IQCJ: variants seen among roughly 807,000 people sequenced by gnomAD.
The protein encoded by IQCJ is IQ motif containing J.
IQCJ carries 9 observed loss-of-function variants against 11.0 expected under a neutral mutation model. The ratio of observed to expected loss-of-function variants is 0.82; its 90% confidence interval spans 0.49 to 1.43. The LOEUF is 1.43. IQCJ is among the 40% of genes most tolerant of loss of function. The pLI is 0.00. For missense variants in IQCJ, 146 were observed against 133.2 expected, an observed-to-expected ratio of 1.10 and a Z score of -0.47; for synonymous variants, 55 against 51.3, an observed-to-expected ratio of 1.07 and a Z score of -0.31.
chr3:159,255,491 C>T (rs1577119275), intron 3 of IQCJ, among the ~76,000 whole-genome samples: 1 of 152,144 alleles, frequency 6.6e-6, no homozygotes, highest in African/African-American at 2.4e-5. Context: ...GATGGTTCCT[C>T]GTACTCAGGA....
intron 1 of IQCJ, among the ~76,000 whole-genome samples, chr3:159,245,418 TTG>T (rs1727201748): frequency 1.3e-5 from 2 of 152,116 alleles, no homozygotes; most frequent in Non-Finnish European, 2.9e-5. Context: ...TGTTGTATTT[TTG>T]TGTGTTTAAA....
intron 1 of IQCJ, among the ~76,000 whole-genome samples, chr3:159,090,341 GA>G (rs938751928): frequency 3.3e-5 from 5 of 151,802 alleles, no homozygotes; most frequent in African/African-American, 4.9e-5. Flanking sequence ...AGCTCAGATG[GA>G]AATGCAGAAA....
chr3:159,225,621 T>C (rs1725813102), intron 1 of IQCJ, among the ~76,000 whole-genome samples: 1 of 152,152 alleles, frequency 6.6e-6, no homozygotes, highest in African/African-American at 2.4e-5. Context: ...GAATAAAACT[T>C]GTTTCTTTTT....
intron 1 of IQCJ, among the ~76,000 whole-genome samples, chr3:159,157,304 A>G (rs889354824): frequency 1.3e-5 from 2 of 152,206 alleles, no homozygotes; most frequent in South Asian, 4.1e-4. Context: ...GACCAGAATC[A>G]CTTTTCAACT....
chr3:159,140,105 A>G (rs1229142848), intron 1 of IQCJ, among the ~76,000 whole-genome samples: 1 of 152,154 alleles, frequency 6.6e-6, no homozygotes, highest in Admixed American at 6.5e-5. Flanking sequence ...TCAACATCCC[A>G]CACCTGAGTG....
chr3:159,086,639 T>G (rs6806103), intron 1 of IQCJ, among the ~76,000 whole-genome samples: 17,693 of 151,306 alleles, frequency 0.12, 1,641 homozygotes, highest in East Asian at 0.35. Context: ...TCACATCCCT[T>G]GTAAGTTGGA....
chr3:159,148,246 C>G (rs1721021526), intron 1 of IQCJ, among the ~76,000 whole-genome samples: 1 of 152,190 alleles, frequency 6.6e-6, no homozygotes. Flanking sequence ...AATCTCACAG[C>G]CAAATTTGAA....
chr3:159,265,065 A>G (rs908894252), downstream of IQCJ: 4 of 567,184 alleles, frequency 7.1e-6, no homozygotes, highest in Middle Eastern at 3.3e-4. Flanking sequence ...TGTAAAAAAT[A>G]AAATATGAAA....
intron 1 of IQCJ, among the ~76,000 whole-genome samples, chr3:159,231,216 A>C (rs1429119999): frequency 6.6e-6 from 1 of 152,246 alleles, no homozygotes; most frequent in Non-Finnish European, 1.5e-5. Flanking sequence ...TCTACCCAGC[A>C]TAGCCACATC....
intron 1 of IQCJ, among the ~76,000 whole-genome samples, chr3:159,244,430 T>G (rs1443590084): frequency 6.6e-6 from 1 of 152,154 alleles, no homozygotes. Flanking sequence ...TGGCCATCTC[T>G]TAAGAGGACT....
chr3:159,202,035 G>A (rs1724378545), intron 1 of IQCJ, among the ~76,000 whole-genome samples: 1 of 152,164 alleles, frequency 6.6e-6, no homozygotes, highest in Admixed American at 6.5e-5. Flanking sequence ...ACTAGTATGT[G>A]AACTTGGGCA....
intron 1 of IQCJ, among the ~76,000 whole-genome samples, chr3:159,216,191 G>A (rs1021747005): frequency 2.6e-5 from 4 of 151,962 alleles, no homozygotes; most frequent in Admixed American, 6.6e-5. Flanking sequence ...GCTTGCCACC[G>A]ATTGTCTAGT....
chr3:159,195,538 C>T (rs1425415847), intron 1 of IQCJ, among the ~76,000 whole-genome samples: 3 of 152,188 alleles, frequency 2.0e-5, no homozygotes, highest in Non-Finnish European at 4.4e-5. Context: ...ATATGCCAGA[C>T]CTGATGTCCC....
intron 1 of IQCJ, among the ~76,000 whole-genome samples, chr3:159,226,577 G>A (rs1725865669): frequency 6.6e-6 from 1 of 152,140 alleles, no homozygotes; most frequent in African/African-American, 2.4e-5. Context: ...AGGAGTAAAA[G>A]GTGTGTGGGA....
At chr3:159,191,135 C>T (rs962164908) in intron 1 of IQCJ, among the ~76,000 whole-genome samples, 3 of 152,106 alleles carry the variant, frequency 2.0e-5, no homozygotes, top group African/African-American at 7.2e-5. Context: ...CTGAAAATAA[C>T]ATTTCTTTTT....
In IQCJ at chr3:159,173,313, G is replaced by A. The variant is rs544796777; in HGVS notation, c.10-72530G>A. 2.0e-5 allele frequency among the ~76,000 whole-genome samples: 3 copies of A among 152,264 alleles called. No homozygotes were observed. In the South Asian group the frequency reaches 6.2e-4, roughly 32 times the overall value. The stretch of plus-strand genomic sequence containing the variant: ...TCTAAGCTGTTGACACTGATACAAT[G>A]TTCAGAAATAGGTTGTCCTTGGAAC... On this transcript the variant is annotated intron_variant, in intron 1 of 3. Transcript: ENST00000397832.
At chr3:159,140,668 C>T (rs1720550216) in intron 1 of IQCJ, among the ~76,000 whole-genome samples, 1 of 152,152 alleles carries the variant, frequency 6.6e-6, no homozygotes, top group Non-Finnish European at 1.5e-5. Context: ...TTCAGTTTGT[C>T]TCATGAATTT....
intron 1 of IQCJ, among the ~76,000 whole-genome samples, chr3:159,232,920 T>C (rs1293540789): frequency 1.3e-5 from 2 of 152,286 alleles, no homozygotes; most frequent in East Asian, 3.9e-4. Flanking sequence ...CTGAGAGCTG[T>C]GTGACAGATC....
intron 1 of IQCJ, among the ~76,000 whole-genome samples, chr3:159,174,202 C>T (rs1052480551): frequency 2.0e-5 from 3 of 152,028 alleles, no homozygotes; most frequent in Non-Finnish European, 4.4e-5. Context: ...TTCATACGCT[C>T]CTATGCTTGT....
Sources: allele counts gnomAD v4.1 joint callset (sites outside exome capture counted in the v4.1 genomes callset), GRCh38; gene constraint gnomAD v4.1.1; transcripts MANE v1.5; gene names NCBI Gene and HGNC (gene_info 2026-07-23, HGNC 2026-07-21).